MCC: variants seen among roughly 807,000 people sequenced by gnomAD.
The protein encoded by MCC is MCC regulator of Wnt signaling pathway.
MCC carries 90 observed loss-of-function variants against 116.2 expected under a neutral mutation model. The observed-to-expected ratio is 0.77, with a 90% CI of 0.65 to 0.92. The LOEUF is 0.92. Ranked by LOEUF, MCC falls within the 40% of genes least tolerant of loss-of-function variation. The probability of loss-of-function intolerance (pLI) is 0.00; values close to 1 mark genes in which losing one functional copy is unlikely to be tolerated. For synonymous variants in MCC, 578 were observed against 510.5 expected (o/e 1.13, Z -1.78); for missense variants, 1,516 against 1,312.2 (o/e 1.16, Z -2.40).
At chr5:113,476,928 A>G (rs959862802) in intron 1 of MCC, among the ~76,000 whole-genome samples, 9 of 152,242 alleles carry the variant, frequency 5.9e-5, no homozygotes, top group African/African-American at 2.2e-4. Flanking sequence ...CTAGTTAAAT[A>G]TAACTTAAAG....
chr5:113,115,629 A>AT (rs1216357279), intron 6 of MCC, among the ~76,000 whole-genome samples: 1 of 151,934 alleles, frequency 6.6e-6, no homozygotes, highest in Non-Finnish European at 1.5e-5. Flanking sequence ...GCACCCCCAC[A>AT]TAACTCCTAG....
At chr5:113,157,996 C>T (rs1353116277) in intron 3 of MCC, among the ~76,000 whole-genome samples, 4 of 152,194 alleles carry the variant, frequency 2.6e-5, no homozygotes, top group African/African-American at 9.6e-5. Flanking sequence ...ACCCAGCTGG[C>T]TAATGGGTGG....
intron 1 of MCC, among the ~76,000 whole-genome samples, chr5:113,442,071 A>G (rs369000886): frequency 2.6e-5 from 4 of 152,216 alleles, no homozygotes; most frequent in South Asian, 4.1e-4. Flanking sequence ...CCAGAACTAG[A>G]AATACACTGT....
intron 2 of MCC, among the ~76,000 whole-genome samples, chr5:113,383,841 T>G (rs1380630539): frequency 2.0e-5 from 3 of 152,174 alleles, no homozygotes; most frequent in African/African-American, 7.2e-5. Context: ...TACTCAATAA[T>G]AAGAAGCATT....
intron 1 of MCC, among the ~76,000 whole-genome samples, chr5:113,395,374 G>GA (rs898464790): frequency 1.7e-4 from 26 of 151,434 alleles, no homozygotes; most frequent in Admixed American, 3.3e-4. Context: ...TATGCCAAAA[G>GA]AAAAAAAAAT....
At position 113,347,348 on chromosome 5, in the gene MCC, G is replaced by A. The variant is rs905923256; in HGVS notation, c.416-6618C>T. On this transcript the variant is annotated intron_variant, in intron 2 of 18. Transcript: ENST00000408903. ...AAAAGTTAAAAACTGGGGGGAAGAT[G>A]TTAAAGTGTGGAATTTTTATTAGTT... 3.3e-5 allele frequency among the ~76,000 whole-genome samples: 5 copies of A among 152,024 alleles called. No individual in the cohort carries two copies. The East Asian group carries it at 9.6e-4, about 29-fold the overall frequency.
intron 3 of MCC, among the ~76,000 whole-genome samples, chr5:113,245,929 C>A (rs145470859): frequency 0.012 from 1,808 of 152,296 alleles, 32 homozygotes; most frequent in African/African-American, 0.039. Context: ...GTCTGGGCTT[C>A]TCATGACACT....
chr5:113,362,246 C>T (rs1768567292), intron 2 of MCC, among the ~76,000 whole-genome samples: 2 of 152,172 alleles, frequency 1.3e-5, no homozygotes, highest in African/African-American at 2.4e-5. Context: ...AGGCTGGTCT[C>T]GAACTCCTGA....
chr5:113,315,338 C>T (rs1424858182), intron 3 of MCC, among the ~76,000 whole-genome samples: 3 of 152,158 alleles, frequency 2.0e-5, no homozygotes, highest in Middle Eastern at 3.4e-3. Flanking sequence ...ATATTCTTTA[C>T]GTACTAAATA....
chr5:113,369,060 C>T (rs1199106349), intron 2 of MCC, among the ~76,000 whole-genome samples: 3 of 151,676 alleles, frequency 2.0e-5, no homozygotes, highest in East Asian at 1.9e-4. Context: ...TGGGAGGGGA[C>T]GTAGAGCTTC....
intron 3 of MCC, among the ~76,000 whole-genome samples, chr5:113,230,706 G>A (rs915861558): frequency 3.3e-5 from 5 of 152,156 alleles, no homozygotes; most frequent in African/African-American, 7.2e-5. Context: ...CTATTTTGCA[G>A]ATATAAATAT....
chr5:113,211,543 C>A (rs1369786744), intron 3 of MCC, among the ~76,000 whole-genome samples: 1 of 152,152 alleles, frequency 6.6e-6, no homozygotes, highest in Non-Finnish European at 1.5e-5. Context: ...GTTCTTGTTG[C>A]CTAATGCTGA....
At chr5:113,027,908 A>T (rs1316538439) in intron 18 of MCC, among the ~76,000 whole-genome samples, 2 of 152,238 alleles carry the variant, frequency 1.3e-5, no homozygotes, top group Non-Finnish European at 2.9e-5. Flanking sequence ...ACCTGGGACG[A>T]GAGCAGAGAG....
chr5:113,481,574 T>C (rs1772379315), intron 1 of MCC, among the ~76,000 whole-genome samples: 1 of 151,678 alleles, frequency 6.6e-6, no homozygotes, highest in Admixed American at 6.6e-5. Context: ...CCGTCTCTAC[T>C]AAAAATACAA....
At chr5:113,249,761 C>G (rs963856729) in intron 3 of MCC, among the ~76,000 whole-genome samples, 13 of 152,172 alleles carry the variant, frequency 8.5e-5, no homozygotes, top group African/African-American at 3.1e-4. Flanking sequence ...ACCTGCTCAC[C>G]CAGGACCAGG....
chr5:113,093,556 G>C (rs564147447), intron 8 of MCC, among the ~76,000 whole-genome samples: 1 of 152,270 alleles, frequency 6.6e-6, no homozygotes, highest in South Asian at 2.1e-4. Context: ...GAGTGGGAAA[G>C]TGAGATGTTG....
At chr5:113,046,684 G>T (rs1439630065) in intron 16 of MCC, among the ~76,000 whole-genome samples, 1 of 6,286 alleles carries the variant, frequency 1.6e-4, no homozygotes, top group Non-Finnish European at 2.7e-4. Context: ...AACTCAAAAG[G>T]CAAAAAAAAA....
At chr5:113,317,571 C>A (rs1767316651) in intron 3 of MCC, among the ~76,000 whole-genome samples, 1 of 152,116 alleles carries the variant, frequency 6.6e-6, no homozygotes, top group South Asian at 2.1e-4. Flanking sequence ...GTACTTCAAA[C>A]AAGGAGGTGA....
At chr5:113,473,899 A>G (rs745493352) in intron 1 of MCC, among the ~76,000 whole-genome samples, 1 of 152,196 alleles carries the variant, frequency 6.6e-6, no homozygotes, top group Non-Finnish European at 1.5e-5. Context: ...CATAAAAATC[A>G]AAGTATTTCA....
Sources: allele counts gnomAD v4.1 joint callset (sites outside exome capture counted in the v4.1 genomes callset), GRCh38; gene constraint gnomAD v4.1.1; transcripts MANE v1.5; gene names NCBI Gene and HGNC (gene_info 2026-07-23, HGNC 2026-07-21).